CHSY3: variants seen among roughly 807,000 people sequenced by gnomAD.
The protein encoded by CHSY3 is N-acetylgalactosaminyl-proteoglycan 3-beta-glucuronosyltransferase 3.
Under a neutral mutation model 67.2 loss-of-function variants are expected in CHSY3, and 35 were observed. The observed-to-expected ratio is 0.52, with a 90% CI of 0.40 to 0.69. The LOEUF is 0.69. Among genes scored for constraint, CHSY3 ranks in the 30% least tolerant of loss-of-function variants. CHSY3 has a pLI of 0.00. For synonymous variants in CHSY3, 474 were observed against 434.7 expected (o/e 1.09, Z -1.12); for missense variants, 1,069 against 1,138.5 (o/e 0.94, Z 0.88).
intron 2 of CHSY3, among the ~76,000 whole-genome samples, chr5:130,019,336 G>C (rs1764299753): frequency 6.6e-6 from 1 of 151,668 alleles, no homozygotes; most frequent in East Asian, 1.9e-4. Flanking sequence ...CTTTATCTCT[G>C]TGAATGGCAA....
At chr5:130,100,821 A>G (rs1205357496) in intron 2 of CHSY3, among the ~76,000 whole-genome samples, 1 of 152,216 alleles carries the variant, frequency 6.6e-6, no homozygotes, top group East Asian at 1.9e-4. Context: ...ATACCTGTAA[A>G]TTTGTAATTG....
intron 2 of CHSY3, among the ~76,000 whole-genome samples, chr5:130,045,266 A>G (rs1461104639): frequency 6.6e-6 from 1 of 152,102 alleles, no homozygotes; most frequent in Non-Finnish European, 1.5e-5. Context: ...AAAATTTAAA[A>G]AGCACTCACT....
chr5:130,182,757 A>C (rs1290340035), intron 2 of CHSY3, among the ~76,000 whole-genome samples: 1 of 151,688 alleles, frequency 6.6e-6, no homozygotes. Context: ...CTTTCTCCAA[A>C]CTGTAAGCTC....
intron 2 of CHSY3, among the ~76,000 whole-genome samples, chr5:129,996,671 G>C (rs1763548432): frequency 6.6e-6 from 1 of 152,062 alleles, no homozygotes; most frequent in Admixed American, 6.6e-5. Flanking sequence ...TCTAAATCAG[G>C]CTGAGTGCTT....
chr5:130,127,934 G>A (rs1202957935), intron 2 of CHSY3, among the ~76,000 whole-genome samples: 2 of 152,074 alleles, frequency 1.3e-5, no homozygotes, highest in Non-Finnish European at 2.9e-5. Flanking sequence ...ACCAAGTAAG[G>A]AAGTATGTAC....
intron 2 of CHSY3, among the ~76,000 whole-genome samples, chr5:130,067,138 T>C (rs1765908380): frequency 6.6e-6 from 1 of 152,176 alleles, no homozygotes; most frequent in Non-Finnish European, 1.5e-5. Flanking sequence ...CATCTTAGTT[T>C]GCTGAAACTC....
At chr5:130,176,759 G>A (rs1431944897) in intron 2 of CHSY3, among the ~76,000 whole-genome samples, 1 of 151,968 alleles carries the variant, frequency 6.6e-6, no homozygotes, top group Non-Finnish European at 1.5e-5. Context: ...ACCAAACATT[G>A]CATGTTCTCA....
At chr5:130,143,734 G>A (rs9918199) in intron 2 of CHSY3, among the ~76,000 whole-genome samples, 5,379 of 94,252 alleles carry the variant, frequency 0.057, 598 homozygotes, top group African/African-American at 0.19. Context: ...GTGTGTGTGT[G>A]TATATATATA....
At chr5:130,038,158 A>G (rs182700103) in intron 2 of CHSY3, among the ~76,000 whole-genome samples, 69 of 152,186 alleles carry the variant, frequency 4.5e-4, no homozygotes, top group African/African-American at 1.6e-3. Context: ...GACTGTAGGG[A>G]GTGACTTTAA....
At chr5:130,021,113 G>A (rs1187111059) in intron 2 of CHSY3, among the ~76,000 whole-genome samples, 2 of 152,140 alleles carry the variant, frequency 1.3e-5, no homozygotes, top group African/African-American at 4.8e-5. Flanking sequence ...TATTTATGTA[G>A]CATCTTCTCT....
chr5:130,020,443 ATATATATATATATATATATT>A (rs1351873444), intron 2 of CHSY3, among the ~76,000 whole-genome samples: 145 of 7,738 alleles, frequency 0.019, 7 homozygotes, highest in East Asian at 0.057. Flanking sequence ...ATATATATAT[ATATATATATATATATATATT>A]TTTTTTTTTT....
intron 2 of CHSY3, among the ~76,000 whole-genome samples, chr5:130,105,746 T>C (rs1767392947): frequency 6.6e-6 from 1 of 151,718 alleles, no homozygotes; most frequent in Admixed American, 6.6e-5. Context: ...GCCATTGTCA[T>C]GAGTATTGAA....
At chr5:130,033,173 G>C (rs1764749865) in intron 2 of CHSY3, among the ~76,000 whole-genome samples, 1 of 152,110 alleles carries the variant, frequency 6.6e-6, no homozygotes, top group Admixed American at 6.6e-5. Context: ...TAGCAACTCT[G>C]TTGATACTCC....
chr5:130,122,909 T>C (rs1184561262), intron 2 of CHSY3, among the ~76,000 whole-genome samples: 1 of 152,150 alleles, frequency 6.6e-6, no homozygotes, highest in African/African-American at 2.4e-5. Context: ...TTGCTCTCAC[T>C]TCAGTTGTCC....
At chr5:130,115,876 G>A (rs1022929457) in intron 2 of CHSY3, among the ~76,000 whole-genome samples, 3 of 152,148 alleles carry the variant, frequency 2.0e-5, no homozygotes, top group African/African-American at 7.2e-5. Flanking sequence ...AGCAGCGGAG[G>A]GGAGCCCACA....
At chr5:130,064,799 A>G (rs1030215883) in intron 2 of CHSY3, among the ~76,000 whole-genome samples, 1 of 152,184 alleles carries the variant, frequency 6.6e-6, no homozygotes, top group African/African-American at 2.4e-5. Context: ...GAAAGTCTGG[A>G]TAGGTTACCA....
chr5:130,083,023 A>C (rs1319072968), intron 2 of CHSY3, among the ~76,000 whole-genome samples: 1 of 151,878 alleles, frequency 6.6e-6, no homozygotes, highest in Non-Finnish European at 1.5e-5. Context: ...AAATAAATAA[A>C]ATAAAATAAA....
rs889257900 is a variant in CHSY3, at chr5:130,009,716, G to C, written c.1086+101356G>C. Among the ~76,000 whole-genome samples the C allele has an allele frequency of 6.6e-5, 10 of 152,176 alleles. 1 individual carries two copies. The South Asian group carries it at 2.1e-3, about 32-fold the overall frequency. On this transcript the variant is annotated intron_variant, in intron 2 of 2. Coordinates refer to ENST00000305031, the MANE Select transcript of CHSY3 (RefSeq NM_175856.5). ...AGTGGCAAGTTGGATAATGAAGTAA[G>C]ACCCAAATGTATGCTGTCCTCAAGA...
intron 2 of CHSY3, among the ~76,000 whole-genome samples, chr5:130,161,455 C>T (rs1769541100): frequency 1.3e-5 from 2 of 152,032 alleles, no homozygotes; most frequent in African/African-American, 4.8e-5. Flanking sequence ...TTATGAAAAG[C>T]CTATCAAGTT....
Sources: gnomAD v4.1 joint callset for allele counts (sites outside exome capture counted in the v4.1 genomes callset) on GRCh38, gnomAD v4.1.1 for gene constraint, MANE v1.5 for transcripts, NCBI Gene and HGNC (gene_info 2026-07-23, HGNC 2026-07-21) for gene names.